The following NBAS variants were observed in gnomAD, a reference collection of about 807,000 sequenced individuals.
The protein encoded by NBAS is NAG/BC035112 fusion.
NBAS carries 219 observed loss-of-function variants against 302.5 expected under a neutral mutation model. The ratio of observed to expected loss-of-function variants is 0.72; its 90% confidence interval spans 0.65 to 0.81. NBAS has a LOEUF of 0.81. NBAS is among the 30% of genes least tolerant of loss of function. The pLI, the probability that NBAS is intolerant of heterozygous loss-of-function variation, is 0.00. For synonymous variants in NBAS, 1,118 were observed against 1,021.6 expected (o/e 1.09, Z -1.80); for missense variants, 2,932 against 2,841.6 (o/e 1.03, Z -0.72).
chr2:15,254,792 A>G lies in NBAS; in HGVS notation c.5725-16106T>C, dbSNP rs1668516468. ...TCCCACTTATAAGTGAGAACATAAG[A>G]TGTTTGGTTTTCCACTCCTGAGTTA... is the stretch of plus-strand genomic sequence containing the variant. On this transcript the variant is annotated intron_variant, in intron 44 of 51. Transcript: ENST00000281513. Among the ~76,000 whole-genome samples, 4 of 152,154 alleles carry G rather than the reference A, an allele frequency of 2.6e-5. 1 individual carries two copies. Among genetic ancestry groups the G allele is most frequent in the Admixed American group, 6.5e-5 (1 of 15,278 alleles).
chr2:14,944,010 C>T, the NBAS span, among the ~76,000 whole-genome samples: 2 of 152,128 alleles, frequency 1.3e-5, no homozygotes, highest in South Asian at 4.1e-4. Context: ...AAAAAAACTA[C>T]TAATCCCTGC....
chr2:15,178,212 G>A (rs1050510213), intron 51 of NBAS: 36 of 463,722 alleles, frequency 7.8e-5, no homozygotes, highest in Admixed American at 6.4e-4. Context: ...ACATATATAT[G>A]TATATATACA....
At chr2:15,156,642 G>T in the NBAS span, among the ~76,000 whole-genome samples, 3 of 152,122 alleles carry the variant, frequency 2.0e-5, no homozygotes, top group Admixed American at 6.5e-5. Flanking sequence ...ACCTAACAAC[G>T]TCCCAAAGGC....
chr2:14,839,514 C>A, the NBAS span, among the ~76,000 whole-genome samples: 1 of 152,010 alleles, frequency 6.6e-6, no homozygotes, highest in Non-Finnish European at 1.5e-5. Flanking sequence ...TGTAACTTAG[C>A]CAATGGAGAT....
the NBAS span, among the ~76,000 whole-genome samples, chr2:15,011,979 T>C: frequency 1.3e-5 from 2 of 152,108 alleles, no homozygotes; most frequent in African/African-American, 4.8e-5. Context: ...ATCAGATTCA[T>C]AGAAGTCAAC....
At chr2:15,421,135 TA>T (rs937831859) in intron 23 of NBAS, among the ~76,000 whole-genome samples, 1 of 151,598 alleles carries the variant, frequency 6.6e-6, no homozygotes, top group Non-Finnish European at 1.5e-5. Flanking sequence ...AGCAAGTTTT[TA>T]AAAAAAACAA....
At chr2:14,859,159 A>G in the NBAS span, among the ~76,000 whole-genome samples, 1 of 152,042 alleles carries the variant, frequency 6.6e-6, no homozygotes, top group Non-Finnish European at 1.5e-5. Flanking sequence ...GAAAAATTAT[A>G]AAACACTGAT....
intron 42 of NBAS, 116 bp downstream of exon 42, chr2:15,286,957 T>C: frequency 1.3e-6 from 1 of 778,686 alleles, no homozygotes; most frequent in Non-Finnish European, 2.2e-6. Flanking sequence ...AAGACACTAG[T>C]CCACTGTAGA....
At chr2:14,862,035 C>T in the NBAS span, among the ~76,000 whole-genome samples, 1 of 152,158 alleles carries the variant, frequency 6.6e-6, no homozygotes, top group African/African-American at 2.4e-5. Context: ...CAAGGAGTAA[C>T]AGATCAGGAC....
intron 50 of NBAS, among the ~76,000 whole-genome samples, chr2:15,182,560 G>A (rs892804458): frequency 1.3e-5 from 2 of 152,104 alleles, no homozygotes; most frequent in African/African-American, 4.8e-5. Context: ...CCCAAGCATC[G>A]GTGACTAACC....
chr2:15,150,669 C>G, the NBAS span, among the ~76,000 whole-genome samples: 2 of 152,272 alleles, frequency 1.3e-5, no homozygotes, highest in East Asian at 3.9e-4. Context: ...TTCTTTTCTA[C>G]TTATACATTA....
At chr2:15,374,525 T>C in intron 31 of NBAS, 83 bp downstream of exon 31, 1 of 1,179,102 alleles carries the variant, frequency 8.5e-7, no homozygotes, top group South Asian at 1.2e-5. Flanking sequence ...AAGCTACTCT[T>C]TAGTTTTAAA....
At chr2:15,456,346 T>C (rs963837485) in intron 21 of NBAS, among the ~76,000 whole-genome samples, 9 of 152,214 alleles carry the variant, frequency 5.9e-5, no homozygotes, top group African/African-American at 1.9e-4. Context: ...GAGCAGGCAA[T>C]AGGTCAACTT....
chr2:15,437,758 T>C (rs1263056921), intron 21 of NBAS, among the ~76,000 whole-genome samples: 3 of 152,164 alleles, frequency 2.0e-5, no homozygotes, highest in Non-Finnish European at 4.4e-5. Context: ...ACAACTAAAA[T>C]TTTTAAAAAT....
chr2:15,266,551 A>G (rs1174313230), intron 44 of NBAS, among the ~76,000 whole-genome samples: 4 of 152,216 alleles, frequency 2.6e-5, no homozygotes, highest in Non-Finnish European at 5.9e-5. Context: ...ACTCTCACCC[A>G]TTATGACAGA....
downstream of NBAS, among the ~76,000 whole-genome samples, chr2:15,162,504 A>T (rs931798498): frequency 1.3e-5 from 2 of 152,206 alleles, no homozygotes; most frequent in African/African-American, 4.8e-5. Flanking sequence ...CATCAAAGTC[A>T]GAGTTATTTT....
At chr2:15,002,318 C>T in the NBAS span, among the ~76,000 whole-genome samples, 1 of 152,102 alleles carries the variant, frequency 6.6e-6, no homozygotes, top group Admixed American at 6.5e-5. Flanking sequence ...GCTAGATACA[C>T]AGTGTCGATT....
the NBAS span, among the ~76,000 whole-genome samples, chr2:15,043,911 C>T: frequency 2.0e-5 from 3 of 152,218 alleles, no homozygotes; most frequent in South Asian, 6.2e-4. Flanking sequence ...TGTCTGTTGC[C>T]TGAAAACTTG....
intron 35 of NBAS, among the ~76,000 whole-genome samples, chr2:15,340,603 G>A (rs1457401783): frequency 1.3e-5 from 2 of 152,064 alleles, no homozygotes; most frequent in African/African-American, 4.8e-5. Flanking sequence ...TATTAAGCAG[G>A]GAATCATCAG....
Sources: gnomAD v4.1 joint callset for allele counts (sites outside exome capture counted in the v4.1 genomes callset) on GRCh38, gnomAD v4.1.1 for gene constraint, MANE v1.5 for transcripts, NCBI Gene and HGNC (gene_info 2026-07-23, HGNC 2026-07-21) for gene names.